ATRNL1: variants seen among roughly 807,000 people sequenced by gnomAD.
The protein encoded by ATRNL1 is attractin-like protein 1.
A neutral mutation model predicts 182.7 loss-of-function variants in ATRNL1; 95 were observed. The observed-to-expected ratio is 0.52, with a 90% CI of 0.44 to 0.62. The LOEUF (loss-of-function observed/expected upper bound fraction) is 0.62. Ranked by LOEUF, ATRNL1 falls within the 20% of genes least tolerant of loss-of-function variation. ATRNL1 has a pLI of 0.00. For missense variants in ATRNL1, 1,471 were observed against 1,679.5 expected (o/e 0.88, Z 2.17); for synonymous variants, 576 against 568.3 (o/e 1.01, Z -0.19).
At chr10:115,803,178 G>T (rs1193102677) in intron 27 of ATRNL1, among the ~76,000 whole-genome samples, 1 of 152,086 alleles carries the variant, frequency 6.6e-6, no homozygotes, top group East Asian at 1.9e-4. Context: ...ACTTGAAATT[G>T]CTTGGAATGC....
At position 115,469,341 on chromosome 10, in the gene ATRNL1, G is replaced by A; in HGVS notation, c.3654+12G>A. ...CTATTAAAATACAGGTAAGTGTTAA[G>A]AGTATTTACTTCTAATGACCATAAT... On this transcript the variant is annotated intron_variant, in intron 24 of 28. Transcript: ENST00000355044. 6.7e-7 allele frequency: 1 copy of A among 1,486,458 alleles called. No individual in the cohort carries two copies. Among genetic ancestry groups the A allele is most frequent in the Non-Finnish European group, 9.0e-7 (1 of 1,113,358 alleles). 92.1% of individuals were successfully genotyped at this position (1,486,458 alleles called of 1,614,324 possible).
At position 115,719,711 on chromosome 10, in the gene ATRNL1, C is replaced by T. The variant is rs186893608; in HGVS notation, c.3796-7537C>T. 3.1e-3 allele frequency among the ~76,000 whole-genome samples: 470 copies of T among 151,926 alleles called. 1 individual carries two copies. Among genetic ancestry groups the T allele is most frequent in the Non-Finnish European group, 4.9e-3 (330 of 67,950 alleles). Reference sequence around the variant, plus strand: ...CTGCAAATTAGCATGATCATCCCCCCGCCACCAAAAAATGATTTTACCAAG... The same window carrying T: ...CTGCAAATTAGCATGATCATCCCCCTGCCACCAAAAAATGATTTTACCAAG... On this transcript the variant is annotated intron_variant, in intron 26 of 28. Coordinates refer to ENST00000355044, the MANE Select transcript of ATRNL1 (RefSeq NM_207303.4).
intron 6 of ATRNL1, among the ~76,000 whole-genome samples, chr10:115,162,165 T>C (rs113654515): frequency 1.6e-4 from 24 of 152,056 alleles, no homozygotes; most frequent in African/African-American, 5.5e-4. Context: ...AAAACACTAT[T>C]ACCAAAGTAA....
chr10:115,324,799 A>T (rs1554932643), intron 18 of ATRNL1, among the ~76,000 whole-genome samples: 1 of 152,060 alleles, frequency 6.6e-6, no homozygotes, highest in Non-Finnish European at 1.5e-5. Flanking sequence ...CAAGAATTAT[A>T]TCCTCTTGGT....
At chr10:115,868,775 A>G (rs971496586) in intron 28 of ATRNL1, among the ~76,000 whole-genome samples, 4 of 151,182 alleles carry the variant, frequency 2.6e-5, no homozygotes, top group Admixed American at 1.3e-4. Context: ...TTGTTTTCAA[A>G]GCCCACAATA....
At chr10:115,144,103 C>T (rs1434036817) in intron 5 of ATRNL1, among the ~76,000 whole-genome samples, 6 of 151,776 alleles carry the variant, frequency 4.0e-5, no homozygotes, top group Non-Finnish European at 8.8e-5. Context: ...CCTCAGCCTC[C>T]CAAGTAGCTG....
chr10:115,753,951 T>C (rs372169765), intron 27 of ATRNL1, among the ~76,000 whole-genome samples: 54 of 152,354 alleles, frequency 3.5e-4, no homozygotes, highest in African/African-American at 1.3e-3. Context: ...TTTTCATATG[T>C]TTGTTGGCTG....
intron 26 of ATRNL1, among the ~76,000 whole-genome samples, chr10:115,580,213 T>C (rs781864861): frequency 2.6e-4 from 39 of 152,216 alleles, no homozygotes; most frequent in Non-Finnish European, 4.9e-4. Flanking sequence ...ATACTTGGTG[T>C]TCATTCATGT....
intron 10 of ATRNL1, among the ~76,000 whole-genome samples, chr10:115,258,654 A>T (rs1008204246): frequency 6.6e-6 from 1 of 151,986 alleles, no homozygotes. Context: ...GCTTTGTTCC[A>T]TTGCTGGTGA....
intron 26 of ATRNL1, among the ~76,000 whole-genome samples, chr10:115,588,940 T>C (rs1463332481): frequency 6.6e-6 from 1 of 152,228 alleles, no homozygotes; most frequent in Admixed American, 6.5e-5. Context: ...TTTTGCATTT[T>C]CCATGTTTAG....
At chr10:115,367,832 G>A (rs368396075) in intron 19 of ATRNL1, among the ~76,000 whole-genome samples, 10 of 145,718 alleles carry the variant, frequency 6.9e-5, no homozygotes, top group Admixed American at 1.4e-4. Context: ...TAGGCTGCTC[G>A]GGGGTCAGGG....
intron 25 of ATRNL1, among the ~76,000 whole-genome samples, chr10:115,524,609 A>G (rs1851116366): frequency 6.6e-6 from 1 of 152,192 alleles, no homozygotes; most frequent in Non-Finnish European, 1.5e-5. Context: ...AGTTGGGAGT[A>G]GTTTCAGAGA....
At chr10:115,184,940 T>C (rs1453435504) in intron 8 of ATRNL1, among the ~76,000 whole-genome samples, 1 of 151,948 alleles carries the variant, frequency 6.6e-6, no homozygotes, top group Non-Finnish European at 1.5e-5. Context: ...TTTTTGAAGG[T>C]TTAGGTGAAG....
At chr10:115,625,828 A>C (rs1318726986) in intron 26 of ATRNL1, among the ~76,000 whole-genome samples, 1 of 152,094 alleles carries the variant, frequency 6.6e-6, no homozygotes, top group East Asian at 1.9e-4. Flanking sequence ...TCAATGAACA[A>C]ACTCTTCTTT....
chr10:115,390,479 T>C (rs185227750), intron 19 of ATRNL1, among the ~76,000 whole-genome samples: 1 of 152,194 alleles, frequency 6.6e-6, no homozygotes, highest in Non-Finnish European at 1.5e-5. Flanking sequence ...TTGTCAAAAA[T>C]CAGTAGATTG....
At chr10:115,551,826 T>C (rs1853009502) in intron 26 of ATRNL1, among the ~76,000 whole-genome samples, 1 of 151,428 alleles carries the variant, frequency 6.6e-6, no homozygotes, top group African/African-American at 2.4e-5. Flanking sequence ...CCCTTATCCA[T>C]AGTTTCAGTT....
At chr10:115,531,469 G>A (rs1851577189) in intron 25 of ATRNL1, among the ~76,000 whole-genome samples, 1 of 152,046 alleles carries the variant, frequency 6.6e-6, no homozygotes, top group African/African-American at 2.4e-5. Flanking sequence ...ACTTTTTGAT[G>A]GGGTTGTTTG....
At chr10:115,785,570 G>C (rs1351822835) in intron 27 of ATRNL1, among the ~76,000 whole-genome samples, 2 of 152,184 alleles carry the variant, frequency 1.3e-5, no homozygotes, top group Non-Finnish European at 2.9e-5. Context: ...ATAATCTCTT[G>C]TCTATTGCTG....
At chr10:115,491,473 T>G (rs1426767998) in intron 24 of ATRNL1, among the ~76,000 whole-genome samples, 1 of 152,084 alleles carries the variant, frequency 6.6e-6, no homozygotes, top group Non-Finnish European at 1.5e-5. Flanking sequence ...AGAGGCAGTC[T>G]GGCCGCAGTA....
Sources: gnomAD v4.1 joint callset for allele counts (sites outside exome capture counted in the v4.1 genomes callset) on GRCh38, gnomAD v4.1.1 for gene constraint, MANE v1.5 for transcripts, NCBI Gene and HGNC (gene_info 2026-07-23, HGNC 2026-07-21) for gene names.